LRP1B: variants seen among roughly 807,000 people sequenced by gnomAD.
LRP1B encodes low-density lipoprotein receptor-related protein 1B.
LRP1B carries 217 observed loss-of-function variants against 556.6 expected under a neutral mutation model. The observed-to-expected ratio is 0.39, with a 90% CI of 0.35 to 0.44. The LOEUF (loss-of-function observed/expected upper bound fraction) is 0.44, where lower values mean the gene tolerates loss of function less well. Among genes scored for constraint, LRP1B ranks in the 20% least tolerant of loss-of-function variants. LRP1B has a pLI of 1.00. For missense variants in LRP1B, 5,053 were observed against 5,620.8 expected, an observed-to-expected ratio of 0.90 and a Z score of 3.23; for synonymous variants, 2,047 against 1,865.8, an observed-to-expected ratio of 1.10 and a Z score of -2.50.
At chr2:141,220,994 C>A (rs923873025) in intron 6 of LRP1B, among the ~76,000 whole-genome samples, 1 of 152,088 alleles carries the variant, frequency 6.6e-6, no homozygotes, top group Non-Finnish European at 1.5e-5. Flanking sequence ...TATGAAGCAA[C>A]TACATTAACA....
intron 18 of LRP1B, among the ~76,000 whole-genome samples, chr2:140,978,915 C>T (rs1352057521): frequency 6.6e-6 from 1 of 152,160 alleles, no homozygotes; most frequent in African/African-American, 2.4e-5. Flanking sequence ...GCTGCTAAAT[C>T]ATTACAATGT....
chr2:142,115,001 T>C lies in LRP1B; in HGVS notation c.82+15647A>G, dbSNP rs188916769. 1.4e-4 allele frequency among the ~76,000 whole-genome samples: 21 copies of C among 152,180 alleles called. No homozygotes were observed. The East Asian group carries it at 2.7e-3, about 20-fold the overall frequency. On this transcript the variant is annotated intron_variant, in intron 1 of 90. Transcript: ENST00000389484. The stretch of plus-strand genomic sequence containing the variant: ...TATATTTGTATCAAAATATGACGTG[T>C]CCATAAATATGTACAGCTTCTATGA...
At chr2:140,983,896 C>T (rs559917435) in intron 17 of LRP1B, among the ~76,000 whole-genome samples, 1 of 151,956 alleles carries the variant, frequency 6.6e-6, no homozygotes, top group South Asian at 2.1e-4. Context: ...ATGTATGCTT[C>T]TGAAGTTTTT....
intron 2 of LRP1B, among the ~76,000 whole-genome samples, chr2:141,791,158 C>T (rs1027701857): frequency 6.6e-6 from 1 of 151,794 alleles, no homozygotes; most frequent in Admixed American, 6.6e-5. Context: ...CCTGACACCA[C>T]AAGCAATAAA....
intron 66 of LRP1B, among the ~76,000 whole-genome samples, chr2:140,430,376 T>C (rs1685869157): frequency 6.6e-6 from 1 of 152,172 alleles, no homozygotes; most frequent in Non-Finnish European, 1.5e-5. Flanking sequence ...TCCTCACTAC[T>C]CAAAGGTCCT....
chr2:141,549,371 G>A (rs564280680), intron 2 of LRP1B, among the ~76,000 whole-genome samples: 70 of 152,176 alleles, frequency 4.6e-4, no homozygotes, highest in African/African-American at 1.5e-3. Context: ...CAACATATAG[G>A]GGAATAGAGT....
chr2:141,131,623 A>T (rs1393480461), intron 7 of LRP1B, among the ~76,000 whole-genome samples: 4 of 151,736 alleles, frequency 2.6e-5, no homozygotes, highest in African/African-American at 9.7e-5. Flanking sequence ...GAAATTAATT[A>T]TGGAAAGAAT....
chr2:140,714,049 A>G (rs1650988821), intron 37 of LRP1B, among the ~76,000 whole-genome samples: 1 of 152,184 alleles, frequency 6.6e-6, no homozygotes, highest in Admixed American at 6.6e-5. Context: ...GTGCCTGAAA[A>G]TAAGTCTTTA....
At chr2:141,781,924 T>C (rs1695268065) in intron 2 of LRP1B, among the ~76,000 whole-genome samples, 1 of 152,150 alleles carries the variant, frequency 6.6e-6, no homozygotes, top group African/African-American at 2.4e-5. Flanking sequence ...TTCCCACAAA[T>C]CTCATAAAAT....
chr2:141,872,579 A>G (rs933441110), intron 1 of LRP1B, among the ~76,000 whole-genome samples: 1 of 150,878 alleles, frequency 6.6e-6, no homozygotes, highest in Admixed American at 6.6e-5. Flanking sequence ...AAAAACAGAA[A>G]GCCCTAATTT....
In LRP1B at chr2:141,292,163, G is replaced by T. The variant is rs547280569; in HGVS notation, c.344-37522C>A. Among the ~76,000 whole-genome samples the T allele has an allele frequency of 3.3e-5, 5 of 152,246 alleles. No homozygotes were observed. The East Asian group carries it at 9.7e-4, about 30-fold the overall frequency. On this transcript the variant is annotated intron_variant, in intron 3 of 90. Transcript: ENST00000389484. ...GTGACCTGTGCATGCGAGGGATCTA[G>T]GTTGTGCGCTCCTTATGAGAATCTA...
chr2:140,751,613 G>T (rs190880084), intron 35 of LRP1B, among the ~76,000 whole-genome samples: 1 of 152,066 alleles, frequency 6.6e-6, no homozygotes. Context: ...AATTACAATT[G>T]ATGACATAGT....
chr2:140,810,893 G>T (rs1008158716), intron 32 of LRP1B, among the ~76,000 whole-genome samples: 10 of 151,986 alleles, frequency 6.6e-5, no homozygotes, highest in African/African-American at 2.4e-4. Context: ...CCGCTACCAT[G>T]ACTGGCTAAT....
intron 86 of LRP1B, among the ~76,000 whole-genome samples, chr2:140,256,615 T>C (rs1681704615): frequency 6.6e-6 from 1 of 151,228 alleles, no homozygotes; most frequent in Non-Finnish European, 1.5e-5. Context: ...ACTACAGGCG[T>C]GCACCACCAA....
chr2:140,455,809 A>T (rs1368201931), intron 62 of LRP1B, among the ~76,000 whole-genome samples: 1 of 152,176 alleles, frequency 6.6e-6, no homozygotes, highest in Non-Finnish European at 1.5e-5. Context: ...GACAAAATAT[A>T]GTTTGACAGT....
chr2:140,351,118 T>C, intron 76 of LRP1B, 80 bp from the exon 77 acceptor site: 1 of 946,622 alleles, frequency 1.1e-6, no homozygotes, highest in East Asian at 2.8e-5. Flanking sequence ...TTTTAAATTA[T>C]CTTGAATTAT....
chr2:141,108,058 C>G lies in LRP1B; in HGVS notation c.1014-45785G>C, dbSNP rs555635595. ...TCAATTAAAATAATACTAGGGGGCA[C>G]TGGATTTTACTGACTATGCCTCAGA... On this transcript the variant is annotated intron_variant, in intron 7 of 90. Coordinates refer to ENST00000389484, the MANE Select transcript of LRP1B (RefSeq NM_018557.3). Among the ~76,000 whole-genome samples, 5 of 152,116 alleles carry G rather than the reference C, an allele frequency of 3.3e-5. No homozygotes were observed. The South Asian group carries it at 8.3e-4, about 25-fold the overall frequency.
At chr2:140,490,395 G>T (rs1368318875) in intron 57 of LRP1B, among the ~76,000 whole-genome samples, 1 of 152,004 alleles carries the variant, frequency 6.6e-6, no homozygotes, top group Non-Finnish European at 1.5e-5. Flanking sequence ...GCAAGAAAAA[G>T]CTCCACCAGT....
At chr2:141,262,698 C>A (rs915276333) in intron 3 of LRP1B, among the ~76,000 whole-genome samples, 4 of 152,018 alleles carry the variant, frequency 2.6e-5, no homozygotes, top group Non-Finnish European at 2.9e-5. Flanking sequence ...TATCTTTGTA[C>A]CTTTGTCAAA....
Sources: allele counts gnomAD v4.1 joint callset (sites outside exome capture counted in the v4.1 genomes callset), GRCh38; gene constraint gnomAD v4.1.1; transcripts MANE v1.5; gene names NCBI Gene and HGNC (gene_info 2026-07-23, HGNC 2026-07-21).